Variants in ASIC2 observed in about 807,000 individuals in gnomAD.
The protein encoded by ASIC2 is acid-sensing ion channel 2.
Under a neutral mutation model 57.3 loss-of-function variants are expected in ASIC2, and 25 were observed. That is an observed-to-expected ratio of 0.44 (90% confidence interval 0.32 to 0.61). ASIC2 has a LOEUF of 0.61. ASIC2 is among the 20% of genes least tolerant of loss of function. The pLI is 0.06. For synonymous variants in ASIC2, 319 were observed against 307.5 expected (o/e 1.04, Z -0.39); for missense variants, 641 against 738.1 (o/e 0.87, Z 1.52).
chr17:33,506,251 A>G (rs568353499), intron 1 of ASIC2, among the ~76,000 whole-genome samples: 1 of 151,546 alleles, frequency 6.6e-6, no homozygotes, highest in Admixed American at 6.6e-5. Flanking sequence ...AAAAAAAAAA[A>G]AAAAAGAAAA....
chr17:34,102,735 G>A (rs1156869118), intron 1 of ASIC2, among the ~76,000 whole-genome samples: 1 of 152,148 alleles, frequency 6.6e-6, no homozygotes, highest in Non-Finnish European at 1.5e-5. Flanking sequence ...CATGAGTATT[G>A]GGGCTGTTTC....
intron 1 of ASIC2, among the ~76,000 whole-genome samples, chr17:33,782,666 C>A (rs1383331306): frequency 6.6e-6 from 1 of 152,128 alleles, no homozygotes; most frequent in Non-Finnish European, 1.5e-5. Context: ...GAAGTCGAGG[C>A]TGCACTGAGC....
chr17:33,630,414 GCCTTTCCTGCC>G (rs1225959432), intron 1 of ASIC2, among the ~76,000 whole-genome samples: 3 of 152,062 alleles, frequency 2.0e-5, no homozygotes, highest in Non-Finnish European at 4.4e-5. Context: ...ACTCCATAAA[GCCTTTCCTGCC>G]CCTTTCCTGC....
intron 1 of ASIC2, among the ~76,000 whole-genome samples, chr17:33,967,992 G>C (rs1831612314): frequency 6.6e-6 from 1 of 152,194 alleles, no homozygotes; most frequent in African/African-American, 2.4e-5. Flanking sequence ...CCTGGAAGCA[G>C]CTGCTATTAT....
intron 1 of ASIC2, among the ~76,000 whole-genome samples, chr17:34,119,319 A>G (rs925205496): frequency 6.6e-6 from 1 of 152,078 alleles, no homozygotes; most frequent in Non-Finnish European, 1.5e-5. Flanking sequence ...AAAAAGGGGA[A>G]AACAAGATCT....
At chr17:33,961,350 A>G (rs1482800244) in intron 1 of ASIC2, among the ~76,000 whole-genome samples, 1 of 152,260 alleles carries the variant, frequency 6.6e-6, no homozygotes, top group Non-Finnish European at 1.5e-5. Context: ...TAACAGGGGC[A>G]GAAGATAGGC....
intron 1 of ASIC2, among the ~76,000 whole-genome samples, chr17:33,317,279 C>G (rs1400763976): frequency 6.6e-6 from 1 of 152,172 alleles, no homozygotes; most frequent in African/African-American, 2.4e-5. Context: ...AGCAGTTCCT[C>G]CTGCTGCAAT....
intron 1 of ASIC2, among the ~76,000 whole-genome samples, chr17:33,815,281 C>T (rs560198023): frequency 2.0e-5 from 3 of 152,318 alleles, no homozygotes; most frequent in African/African-American, 7.2e-5. Context: ...GGAAAGGGCA[C>T]TTGTGGAGTC....
At chr17:33,150,849 CAAAA>C (rs61602373) in intron 1 of ASIC2, among the ~76,000 whole-genome samples, 2 of 18,924 alleles carry the variant, frequency 1.1e-4, no homozygotes, top group Non-Finnish European at 1.6e-4. Context: ...GACTCCGTCT[CAAAA>C]AAAAAAAAAA....
chr17:33,537,968 G>A (rs139419918), intron 1 of ASIC2, among the ~76,000 whole-genome samples: 2 of 152,220 alleles, frequency 1.3e-5, no homozygotes, highest in East Asian at 1.9e-4. Context: ...ACGTGACTTC[G>A]GGCAAGTTAC....
chr17:33,328,655 A>G lies in ASIC2; in HGVS notation c.556-216588T>C, dbSNP rs1203814904. 2.5e-4 allele frequency among the ~76,000 whole-genome samples: 38 copies of G among 152,154 alleles called. 1 individual carries two copies. The highest frequency in any genetic ancestry group is 1.5e-5 in the Non-Finnish European group (1 of 68,032). On this transcript the variant is annotated intron_variant, in intron 1 of 9. Coordinates refer to the ASIC2 transcript ENST00000359872. ...AAGAACGTTAAAATTGCCTTCTCTC[A>G]GGATTTCCTCTCATCCACTCTCTTT...
chr17:33,058,639 A>G (rs1015644196), intron 3 of ASIC2, among the ~76,000 whole-genome samples: 1 of 152,004 alleles, frequency 6.6e-6, no homozygotes, highest in African/African-American at 2.4e-5. Context: ...GTAACCATCT[A>G]TCTTCCTTTC....
intron 1 of ASIC2, among the ~76,000 whole-genome samples, chr17:33,709,327 G>A (rs1379040602): frequency 6.6e-6 from 1 of 152,194 alleles, no homozygotes; most frequent in Non-Finnish European, 1.5e-5. Context: ...AACTGTGAAT[G>A]TTACCTTATA....
intron 1 of ASIC2, among the ~76,000 whole-genome samples, chr17:33,911,975 T>C (rs1166240550): frequency 6.6e-6 from 1 of 151,360 alleles, no homozygotes; most frequent in East Asian, 2.0e-4. Flanking sequence ...ACCCCGTGTC[T>C]ACTAAAAATA....
At chr17:33,448,649 T>C (rs2141988698) in intron 1 of ASIC2, among the ~76,000 whole-genome samples, 1 of 152,348 alleles carries the variant, frequency 6.6e-6, no homozygotes, top group Non-Finnish European at 1.5e-5. Context: ...GATATGGTCC[T>C]GTGAGTCCTG....
chr17:33,419,481 A>G (rs1457307032), intron 1 of ASIC2, among the ~76,000 whole-genome samples: 2 of 152,230 alleles, frequency 1.3e-5, no homozygotes, highest in African/African-American at 4.8e-5. Context: ...TTCTAATGCC[A>G]GAAAGGGTGA....
intron 1 of ASIC2, among the ~76,000 whole-genome samples, chr17:34,016,077 A>G (rs1003735978): frequency 6.6e-6 from 1 of 152,270 alleles, no homozygotes; most frequent in African/African-American, 2.4e-5. Context: ...ATCCATCGAT[A>G]TGTAAGCAAA....
chr17:33,215,979 G>A (rs559691876), intron 1 of ASIC2, among the ~76,000 whole-genome samples: 174 of 152,264 alleles, frequency 1.1e-3, no homozygotes, highest in African/African-American at 4.1e-3. Context: ...GATTACAGGC[G>A]TCAGCCACCA....
chr17:33,685,948 C>T (rs972716151), intron 1 of ASIC2, among the ~76,000 whole-genome samples: 9 of 152,198 alleles, frequency 5.9e-5, no homozygotes, highest in African/African-American at 2.2e-4. Flanking sequence ...CACGGGGGAC[C>T]GGGACACGGG....
Sources: gnomAD v4.1 joint callset for allele counts (sites outside exome capture counted in the v4.1 genomes callset) on GRCh38, gnomAD v4.1.1 for gene constraint, MANE v1.5 for transcripts, NCBI Gene and HGNC (gene_info 2026-07-23, HGNC 2026-07-21) for gene names.